The following WNK1 variants were observed in gnomAD, a reference collection of about 807,000 sequenced individuals.
The protein encoded by WNK1 is WNK lysine deficient protein kinase 1.
A neutral mutation model predicts 222.8 loss-of-function variants in WNK1; 38 were observed. The observed-to-expected ratio is 0.17, with a 90% CI of 0.13 to 0.22. The LOEUF is 0.22. Ranked by LOEUF, WNK1 falls within the 10% of genes least tolerant of loss-of-function variation. The pLI, the probability that WNK1 is intolerant of heterozygous loss-of-function variation, is 1.00. For missense variants in WNK1, 2,348 were observed against 2,918.4 expected (o/e 0.80, Z 4.50); for synonymous variants, 1,090 against 1,092.9 (o/e 1.00, Z 0.05).
intron 2 of WNK1, among the ~76,000 whole-genome samples, chr12:825,903 A>C (rs1948322327): frequency 6.6e-6 from 1 of 152,192 alleles, no homozygotes; most frequent in African/African-American, 2.4e-5. Flanking sequence ...GAATATTTCC[A>C]GATAAAATAG....
Position 890,475 on chromosome 12 carries a change from C to A in WNK1, c.5471C>A (p.Thr1824Lys), listed in dbSNP as rs746329866. ...CAGCCTGTGTCCATGGCGGCTCCAA[C>A]AGCAATCACAGAAGCAGGAACACAG... is the stretch of plus-strand genomic sequence containing the variant. The part of the protein sequence containing the change: ...AVGPVSMAAP[T>K]AITEAGTQPQ... Residue 1824 changes from threonine to lysine, a missense_variant, in exon 22 of 28, where the codon ACA becomes AAA. Thr to Lys is a moderately conservative substitution (Grantham distance 78). This residue lies in a region of WNK1 where 1,144 missense variants were observed against 1,273.6 expected (regional missense o/e 0.90). Transcript: ENST00000315939. The A allele has an allele frequency of 6.2e-6, 10 of 1,614,146 alleles. No homozygotes were observed. The highest frequency in any genetic ancestry group is 3.3e-5 in the Admixed American group (2 of 60,024).
At chr12:851,746 TTGC>T (rs751620594) in intron 4 of WNK1, 22 of 1,346,994 alleles carry the variant, frequency 1.6e-5, no homozygotes, top group South Asian at 5.8e-5. Context: ...TAAATTCTCA[TTGC>T]TGCTGCTGCC....
chr12:869,562 G>GCTGTTTTT (rs753008284), intron 8 of WNK1, among the ~76,000 whole-genome samples: 285 of 151,856 alleles, frequency 1.9e-3, no homozygotes, highest in South Asian at 3.7e-3. Flanking sequence ...CTGTTTTTGA[G>GCTGTTTTT]GTAATATTAA....
At chr12:865,445 G>C (rs1482342105) in intron 8 of WNK1, 2 of 1,464,092 alleles carry the variant, frequency 1.4e-6, no homozygotes, top group African/African-American at 1.4e-5. Context: ...AATTAAAATT[G>C]AATAAAGAAC....
intron 1 of WNK1, among the ~76,000 whole-genome samples, chr12:767,204 C>T (rs894030593): frequency 1.4e-5 from 2 of 139,926 alleles, no homozygotes; most frequent in Admixed American, 1.5e-4. Flanking sequence ...TTAAAATATT[C>T]CTGTTGTGGC....
At chr12:891,489 G>GA (rs1031467253) in intron 22 of WNK1, among the ~76,000 whole-genome samples, 4 of 151,868 alleles carry the variant, frequency 2.6e-5, no homozygotes, top group African/African-American at 9.7e-5. Context: ...AAGCCATCTG[G>GA]AAAAAAGCAA....
intron 1 of WNK1, among the ~76,000 whole-genome samples, chr12:766,123 A>C (rs899766310): frequency 6.6e-6 from 1 of 152,196 alleles, no homozygotes; most frequent in African/African-American, 2.4e-5. Context: ...GAAAAATTAC[A>C]TATTGGATAC....
rs1022003459 is a variant in WNK1 at position 843,343 on chromosome 12, C to T, written c.1311+13183C>T. ...TTTACTTGTGTTCTATCTACTTTACCGTATTATAAATTAAAATAGAATTTG... is the reference window on the plus strand; with the variant it reads ...TTTACTTGTGTTCTATCTACTTTACTGTATTATAAATTAAAATAGAATTTG... On this transcript the variant is annotated intron_variant, in intron 4 of 27. Coordinates refer to ENST00000315939, the MANE Select transcript of WNK1 (RefSeq NM_018979.4). Among the ~76,000 whole-genome samples, 9 of 151,898 alleles carry T rather than the reference C, an allele frequency of 5.9e-5. No homozygotes were observed. The South Asian group carries it at 1.7e-3, about 28-fold the overall frequency.
At chr12:901,540 C>T (rs1464977152) in intron 26 of WNK1, 1 of 1,286,854 alleles carries the variant, frequency 7.8e-7, no homozygotes, top group African/African-American at 1.5e-5. Context: ...TCTGTTCTAC[C>T]CTGTTTTTCC....
rs759283106 is a variant in WNK1, at chr12:881,708, C to G, written c.3128C>G (p.Ser1043Cys). 2.5e-6 allele frequency: 4 copies of G among 1,614,100 alleles called. No homozygotes were observed. The South Asian group carries it at 4.4e-5, about 18-fold the overall frequency. Residue 1043 changes from serine to cysteine, a missense_variant, in exon 13 of 28, where the codon TCT (serine) becomes TGT (cysteine). Physicochemically the swap from Ser to Cys is moderately radical, Grantham distance 112. Coordinates refer to ENST00000315939, the MANE Select transcript of WNK1 (RefSeq NM_018979.4). ...GATTCACAGAGTACTCAGGGAGTCT[C>G]TCAGGTTGCTCCTGCAGAGCCAGTT... ...QAVLESTQGVSQVAPAEPVAV... is the reference protein window; with the variant it reads ...QAVLESTQGVCQVAPAEPVAV...
chr12:851,293 TA>T, intron 4 of WNK1: 1 of 899,640 alleles, frequency 1.1e-6, no homozygotes, highest in Non-Finnish European at 1.3e-6. Context: ...GTGTTTTTGG[TA>T]AATGGGTTTC....
intron 2 of WNK1, among the ~76,000 whole-genome samples, chr12:825,115 T>A (rs1948246557): frequency 1.3e-5 from 2 of 152,200 alleles, no homozygotes; most frequent in Admixed American, 6.5e-5. Context: ...AGGCATTCAT[T>A]CGTGTAACCA....
At chr12:897,761 TTTGTTG>T in intron 25 of WNK1, 80 bp downstream of exon 25, 1 of 1,419,938 alleles carries the variant, frequency 7.0e-7, no homozygotes, top group Non-Finnish European at 9.8e-7. Context: ...CTGCTGAACA[TTTGTTG>T]TTTTTGTTAA....
At chr12:820,317 G>T (rs1024418399) in intron 2 of WNK1, among the ~76,000 whole-genome samples, 1 of 151,898 alleles carries the variant, frequency 6.6e-6, no homozygotes, top group African/African-American at 2.4e-5. Flanking sequence ...ATATGCTATT[G>T]CAAATGAAAT....
At chr12:908,285 C>T in intron 27 of WNK1, 190 bp from the exon 28 acceptor site, 1 of 758,606 alleles carries the variant, frequency 1.3e-6, no homozygotes. Context: ...CACAGACACA[C>T]ACGCACATGA....
intron 24 of WNK1, 145 bp downstream of exon 24, chr12:896,877 A>C: frequency 6.2e-6 from 4 of 645,046 alleles, no homozygotes; most frequent in African/African-American, 2.0e-5. Flanking sequence ...CCCACCCCAT[A>C]CCTCCCCACC....
chr12:770,627 T>G (rs1351296597), intron 1 of WNK1, among the ~76,000 whole-genome samples: 1 of 152,188 alleles, frequency 6.6e-6, no homozygotes, highest in African/African-American at 2.4e-5. Flanking sequence ...AAAAATATCT[T>G]AATACCTTCC....
intron 4 of WNK1, among the ~76,000 whole-genome samples, chr12:846,902 G>A (rs1225032986): frequency 6.6e-6 from 1 of 152,138 alleles, no homozygotes; most frequent in Non-Finnish European, 1.5e-5. Context: ...GCTAGAATTT[G>A]TTGTGCTATC....
chr12:813,219 T>A (rs1830812346), intron 1 of WNK1, among the ~76,000 whole-genome samples: 1 of 152,208 alleles, frequency 6.6e-6, no homozygotes, highest in Admixed American at 6.5e-5. Context: ...GGTCACAGAG[T>A]GACTTCCTGT....
Sources: allele counts gnomAD v4.1 joint callset (sites outside exome capture counted in the v4.1 genomes callset), GRCh38; gene constraint gnomAD v4.1.1; regional missense constraint gnomAD v4.1.1; transcripts MANE v1.5; gene names NCBI Gene and HGNC (gene_info 2026-07-23, HGNC 2026-07-21).